Variants in CST8 observed in about 807,000 individuals in gnomAD.
CST8 encodes cystatin-8.
CST8 carries 20 observed loss-of-function variants against 11.8 expected under a neutral mutation model. The observed-to-expected ratio is 1.70, with a 90% confidence interval of 1.20 to 2.47. CST8 has a LOEUF of 2.47. Among genes scored for constraint, CST8 ranks in the 30% most tolerant of loss-of-function variants. The pLI is 0.00. For missense variants in CST8, 196 were observed against 167.2 expected (o/e 1.17, Z -0.95); for synonymous variants, 77 against 63.1 (o/e 1.22, Z -1.05).
rs1051760436 is a variant in CST8, at chr20:23,491,549, G to A, written c.-119G>A. 2 of 756,304 alleles carry A rather than the reference G, an allele frequency of 2.6e-6. No individual in the cohort carries two copies. The highest frequency in any genetic ancestry group is 4.6e-6 in the Non-Finnish European group (2 of 439,550). 46.8% of individuals were successfully genotyped at this position (756,304 alleles called of 1,614,324 possible). ...GCTGGGCTGACGCTAACAGGAGGCA[G>A]TGTGTGGCTCGAAGATTCTTGAACC... On this transcript the variant is annotated 5_prime_UTR_variant, in exon 2 of 4. The change creates a new upstream start codon in the 5' untranslated region. Coordinates refer to ENST00000246012, the MANE Select transcript of CST8 (RefSeq NM_005492.4).
the CST8 span, among the ~76,000 whole-genome samples, chr20:23,506,652 AT>A: frequency 2.0e-5 from 3 of 152,210 alleles, no homozygotes; most frequent in Non-Finnish European, 4.4e-5. Context: ...AAATAAAAAA[AT>A]AAAAGATAAT....
At chr20:23,497,234 G>A (rs190513191), downstream of CST8, among the ~76,000 whole-genome samples, 286 of 152,358 alleles carry the variant, frequency 1.9e-3, no homozygotes, top group African/African-American at 6.2e-3. Context: ...AAAAGTCCAT[G>A]AAATCTTCAC....
At chr20:23,505,755 C>G in the CST8 span, among the ~76,000 whole-genome samples, 1 of 152,220 alleles carries the variant, frequency 6.6e-6, no homozygotes, top group East Asian at 1.9e-4. Context: ...GCATCAGTGG[C>G]ACTGGGAGCT....
downstream of CST8, among the ~76,000 whole-genome samples, chr20:23,500,572 C>T (rs971725178): frequency 3.9e-5 from 6 of 152,116 alleles, no homozygotes; most frequent in African/African-American, 1.4e-4. Context: ...AGGAGGGGCC[C>T]TCCTTCTCCT....
intron 3 of CST8, among the ~76,000 whole-genome samples, chr20:23,493,750 G>A (rs117888587): frequency 6.6e-6 from 1 of 152,262 alleles, no homozygotes; most frequent in African/African-American, 2.4e-5. Flanking sequence ...ACAGATGAAG[G>A]CCTGAGCATT....
intron 3 of CST8, among the ~76,000 whole-genome samples, chr20:23,494,488 C>T (rs1237072028): frequency 6.6e-6 from 1 of 152,112 alleles, no homozygotes; most frequent in South Asian, 2.1e-4. Flanking sequence ...TGATCCAGTA[C>T]TTTTTATTGC....
At chr20:23,500,672 G>A (rs778431040), downstream of CST8, among the ~76,000 whole-genome samples, 16 of 152,080 alleles carry the variant, frequency 1.1e-4, no homozygotes, top group Admixed American at 7.2e-4. Flanking sequence ...GGGGGCGGAC[G>A]GTGCCCCTGA....
downstream of CST8, among the ~76,000 whole-genome samples, chr20:23,499,248 A>T (rs950267123): frequency 1.3e-5 from 2 of 152,144 alleles, no homozygotes; most frequent in Non-Finnish European, 2.9e-5. Context: ...ATTTCTATTT[A>T]TATTAAAATT....
Position 23,493,713 on chromosome 20 carries a change from A to G in CST8, c.345+642A>G, listed in dbSNP as rs936319192. The stretch of plus-strand genomic sequence containing the variant: ...AAGCCTGTATTTTTTATCTCAGAGC[A>G]GCTCATAGGCCAGTACTTGGTCCCA... On this transcript the variant is annotated intron_variant, in intron 3 of 3. Coordinates refer to ENST00000246012, the MANE Select transcript of CST8 (RefSeq NM_005492.4). Among the ~76,000 whole-genome samples, 44 of 152,198 alleles carry G rather than the reference A, an allele frequency of 2.9e-4. 1 individual carries two copies. Among genetic ancestry groups the G allele is most frequent in the Admixed American group, 2.8e-3 (43 of 15,282 alleles).
chr20:23,491,595 C>T lies in CST8; in HGVS notation c.-73C>T, dbSNP rs1289125682. The T allele has an allele frequency of 1.5e-5, 18 of 1,181,968 alleles. No homozygotes were observed. The highest frequency in any genetic ancestry group is 1.8e-5 in the Admixed American group (1 of 56,102). The allele number at this position is 1,181,968 out of a possible 1,614,324, so 73.2% of individuals were successfully genotyped here. Reference sequence around the variant, plus strand: ...GAACCCACAGCAGCAGCTGCGGCCACCCCATCCTGCCCACAGCTCCAGCCC... The same window carrying T: ...GAACCCACAGCAGCAGCTGCGGCCATCCCATCCTGCCCACAGCTCCAGCCC... On this transcript the variant is annotated 5_prime_UTR_variant, in exon 2 of 4. Coordinates refer to ENST00000246012, the MANE Select transcript of CST8 (RefSeq NM_005492.4).
chr20:23,501,244 G>A, the CST8 span, among the ~76,000 whole-genome samples: 1 of 152,204 alleles, frequency 6.6e-6, no homozygotes, highest in Non-Finnish European at 1.5e-5. Context: ...CCTTCAGATA[G>A]TATCGCCCAT....
At chr20:23,498,155 T>C (rs2983295), downstream of CST8, among the ~76,000 whole-genome samples, 66,110 of 151,862 alleles carry the variant, frequency 0.44, 15,543 homozygotes, top group Non-Finnish European at 0.53. Context: ...ATGTGTCTAA[T>C]AGAGAATTAT....
chr20:23,505,139 CTTT>C, the CST8 span, among the ~76,000 whole-genome samples: 9 of 82,024 alleles, frequency 1.1e-4, no homozygotes, highest in Admixed American at 1.5e-4. Flanking sequence ...AAGAAGCATT[CTTT>C]TTTTTTTTTT....
rs1360601097 is a variant in CST8 at position 23,491,306 on chromosome 20, G to C, written c.-180G>C. ...CAGTTTTCATGATCACATCATACAG[G>C]ACTGAGAAGCAGATAACAAGAGTGA... On this transcript the variant is annotated 5_prime_UTR_variant, in exon 1 of 4. Coordinates refer to ENST00000246012, the MANE Select transcript of CST8 (RefSeq NM_005492.4). 2 of 278,740 alleles carry C rather than the reference G, an allele frequency of 7.2e-6. No homozygotes were observed. The highest frequency in any genetic ancestry group is 1.7e-4 in the East Asian group (2 of 11,542). 17.3% of individuals were successfully genotyped at this position (278,740 alleles called of 1,614,324 possible).
chr20:23,501,774 C>T, the CST8 span, among the ~76,000 whole-genome samples: 12 of 152,296 alleles, frequency 7.9e-5, no homozygotes, highest in African/African-American at 2.6e-4. Context: ...ACTTATGATG[C>T]CTGAAGACAA....
intron 3 of CST8, among the ~76,000 whole-genome samples, chr20:23,494,773 T>G (rs1420952098): frequency 6.6e-6 from 1 of 152,226 alleles, no homozygotes; most frequent in East Asian, 1.9e-4. Flanking sequence ...GCCCTAGAAT[T>G]TTCTAAATTG....
the CST8 span, among the ~76,000 whole-genome samples, chr20:23,506,497 A>G: frequency 2.0e-5 from 3 of 152,170 alleles, no homozygotes; most frequent in Admixed American, 6.5e-5. Flanking sequence ...AGAACTTTCT[A>G]TACCCCATGT....
rs763894665 is a variant in CST8 at position 23,493,048 on chromosome 20, C to T, written c.322C>T (p.Gln108Ter). The change falls in exon 3 of 4, where the codon CAA becomes TAA. Residue 108 changes from glutamine (Q) to a stop codon, truncating the protein, a stop_gained. Coordinates refer to ENST00000246012, the MANE Select transcript of CST8 (RefSeq NM_005492.4). LOFTEE classifies it low-confidence loss of function (END_TRUNC). ...AAGCACTAATGAAATCTGCGCCATTCAAGAAAACTCCAAGCTGAAAAGGGT... is the reference window on the plus strand; with the variant it reads ...AAGCACTAATGAAATCTGCGCCATTTAAGAAAACTCCAAGCTGAAAAGGGT... ...PLSTNEICAI[Q>*]ENSKLKRKLS... is the part of the protein sequence containing the mutation. 1.2e-6 allele frequency: 2 copies of T among 1,610,124 alleles called. No individual in the cohort carries two copies. Among genetic ancestry groups the T allele is most frequent in the Non-Finnish European group, 1.7e-6 (2 of 1,176,682 alleles).
At position 23,495,812 on chromosome 20, in the gene CST8, T is replaced by C. The variant is rs761390473; in HGVS notation, c.346-19T>C. On this transcript the variant is annotated intron_variant, in intron 3 of 3. Coordinates refer to ENST00000246012, the MANE Select transcript of CST8 (RefSeq NM_005492.4). ...TTTTTTGGCACTCTACTAATTTTTG[T>C]TGTTGTCATCTTTTTCAGAAATTAA... 4 of 1,553,104 alleles carry C rather than the reference T, an allele frequency of 2.6e-6. No homozygotes were observed. The highest frequency in any genetic ancestry group is 2.6e-6 in the Non-Finnish European group (3 of 1,135,402).
Sources: allele counts gnomAD v4.1 joint callset (sites outside exome capture counted in the v4.1 genomes callset), GRCh38; gene constraint gnomAD v4.1.1; transcripts MANE v1.5; gene names NCBI Gene and HGNC (gene_info 2026-07-23, HGNC 2026-07-21).